STOML3: variants seen among roughly 807,000 people sequenced by gnomAD.
STOML3 encodes stomatin like 3.
In STOML3, 31 loss-of-function variants were observed where a neutral mutation model predicts 29.5. The ratio of observed to expected loss-of-function variants is 1.05; its 90% confidence interval spans 0.79 to 1.42. The LOEUF is 1.42. STOML3 is among the 40% of genes most tolerant of loss of function. The pLI is 0.00. For synonymous variants in STOML3, 122 were observed against 139.8 expected, an observed-to-expected ratio of 0.87 and a Z score of 0.90; for missense variants, 380 against 363.0, an observed-to-expected ratio of 1.05 and a Z score of -0.38.
intron 5 of STOML3, among the ~76,000 whole-genome samples, chr13:38,969,723 T>C (rs1257876543): frequency 1.3e-5 from 2 of 152,146 alleles, no homozygotes; most frequent in African/African-American, 4.8e-5. Context: ...ACTATTAATG[T>C]TATTAGTGAT....
chr13:38,972,015 T>G (rs1880887022), intron 4 of STOML3, among the ~76,000 whole-genome samples: 1 of 152,198 alleles, frequency 6.6e-6, no homozygotes, highest in Admixed American at 6.5e-5. Flanking sequence ...TCCTTATGCC[T>G]GCCCCCTCTA....
At position 38,976,423 on chromosome 13, in the gene STOML3, G is replaced by T. The variant is rs544224226; in HGVS notation, c.229+117C>A. 9.5e-6 allele frequency: 11 copies of T among 1,162,680 alleles called. No homozygotes were observed. In the South Asian group the frequency reaches 1.4e-4, roughly 15 times the overall value. 72.0% of individuals were successfully genotyped at this position (1,162,680 alleles called of 1,614,324 possible). On this transcript the variant is annotated intron_variant, in intron 3 of 6. Transcript: ENST00000379631. ...GTTGTACCAAAAGGCAAGAGCCCCAGCTTCTAGCAATTTTTCTTTGACTCT... is the reference window on the plus strand; with the variant it reads ...GTTGTACCAAAAGGCAAGAGCCCCATCTTCTAGCAATTTTTCTTTGACTCT...
intron 1 of STOML3, among the ~76,000 whole-genome samples, chr13:38,989,519 G>C (rs1267011758): frequency 1.4e-5 from 2 of 141,672 alleles, no homozygotes; most frequent in East Asian, 4.1e-4. Context: ...TTTTTTCTTT[G>C]TTAGGCAGGG....
chr13:38,984,775 T>C (rs75785052), intron 1 of STOML3, among the ~76,000 whole-genome samples: 3,214 of 152,302 alleles, frequency 0.021, 48 homozygotes, highest in South Asian at 0.055. Flanking sequence ...GTACACCCTC[T>C]ATCATAACTT....
chr13:38,967,681 G>A (rs959116701), intron 6 of STOML3, among the ~76,000 whole-genome samples: 12 of 152,250 alleles, frequency 7.9e-5, no homozygotes, highest in Middle Eastern at 6.8e-3. Flanking sequence ...TATCATTGCC[G>A]AGTCCCTTCC....
intron 1 of STOML3, among the ~76,000 whole-genome samples, chr13:38,983,422 G>C (rs568920687): frequency 1.3e-5 from 2 of 152,216 alleles, no homozygotes; most frequent in South Asian, 4.1e-4. Flanking sequence ...ACTTTATTTT[G>C]TTCCATTTTT....
chr13:38,988,908 A>G (rs1306565048), intron 1 of STOML3, among the ~76,000 whole-genome samples: 2 of 136,936 alleles, frequency 1.5e-5, no homozygotes, highest in African/African-American at 5.7e-5. Flanking sequence ...TATACTATAG[A>G]ATACATAATA....
In STOML3 at chr13:38,972,528, T is replaced by C. The variant is rs767812000; in HGVS notation, c.296A>G (p.Asn99Ser). The change falls in exon 4 of 7, where the codon AAC becomes AGC. Residue 99 changes from asparagine (N) to serine (S), a missense_variant. Physicochemically the swap from Asn to Ser is conservative, Grantham distance 46. Transcript: ENST00000379631. Reference protein sequence around the residue: ...VKVDLRTVTCNIPPQEILTRD... With the variant: ...VKVDLRTVTCSIPPQEILTRD... ...CAGTACTACCTCTTGTGGAGGAATG[T>C]TGCAAGTAACTGTTCGGAGGTCAAC... The C allele has an allele frequency of 6.2e-7, 1 of 1,614,030 alleles. No homozygotes were observed. The highest frequency in any genetic ancestry group is 1.1e-5 in the South Asian group (1 of 91,076).
At position 38,990,790 on chromosome 13, in the gene STOML3, A is replaced by C; in HGVS notation, c.-69T>G. 2 of 1,459,538 alleles carry C rather than the reference A, an allele frequency of 1.4e-6. No homozygotes were observed. Among genetic ancestry groups the C allele is most frequent in the Non-Finnish European group, 1.9e-6 (2 of 1,042,822 alleles). 90.4% of individuals were successfully genotyped at this position (1,459,538 alleles called of 1,614,324 possible). On this transcript the variant is annotated 5_prime_UTR_variant, in exon 1 of 7. Coordinates refer to ENST00000379631, the MANE Select transcript of STOML3 (RefSeq NM_145286.3). ...TTGGAGCTAAGTGTGAAGAACAGGCAGCAACTCAGATGTGCTTGGGAGAGG... is the reference window on the plus strand; with the variant it reads ...TTGGAGCTAAGTGTGAAGAACAGGCCGCAACTCAGATGTGCTTGGGAGAGG...
intron 1 of STOML3, among the ~76,000 whole-genome samples, chr13:38,985,194 C>T (rs796921904): frequency 2.1e-4 from 32 of 152,208 alleles, no homozygotes; most frequent in African/African-American, 7.7e-4. Context: ...GAGGCCAAGG[C>T]AGGTGGATTA....
At chr13:38,976,410 G>A in intron 3 of STOML3, 130 bp downstream of exon 3, 2 of 967,290 alleles carry the variant, frequency 2.1e-6, no homozygotes, top group East Asian at 2.6e-5. Context: ...TGTACCAAAA[G>A]GCAAGAGCCC....
chr13:38,972,020 C>T (rs1206603869), intron 4 of STOML3, among the ~76,000 whole-genome samples: 1 of 152,178 alleles, frequency 6.6e-6, no homozygotes, highest in Non-Finnish European at 1.5e-5. Context: ...ATGCCTGCCC[C>T]CTCTATTGCA....
intron 3 of STOML3, among the ~76,000 whole-genome samples, chr13:38,973,284 A>AAG (rs1880957115): frequency 6.6e-6 from 1 of 152,070 alleles, no homozygotes; most frequent in South Asian, 2.1e-4. Flanking sequence ...CTCTGTCAAA[A>AAG]AAAAAAAATT....
chr13:38,968,670 C>T (rs763519563), intron 5 of STOML3, 136 bp from the exon 6 acceptor site: 1 of 1,017,348 alleles, frequency 9.8e-7, no homozygotes, highest in Non-Finnish European at 1.4e-6. Context: ...TGGAGTGAGA[C>T]AATTTAGGAA....
intron 1 of STOML3, among the ~76,000 whole-genome samples, chr13:38,986,641 C>T (rs918481142): frequency 4.6e-5 from 7 of 152,162 alleles, no homozygotes; most frequent in East Asian, 1.9e-4. Flanking sequence ...AAGGAAAACA[C>T]GAGGGGTAAA....
At position 38,966,997 on chromosome 13, in the gene STOML3, G is replaced by C. The variant is rs374600057; in HGVS notation, c.704C>G (p.Ser235Cys). ...MNASKSLKSA[S>C]MVLAESPIAL... The stretch of plus-strand genomic sequence containing the variant: ...TATGGGAGACTCAGCCAGCACCATG[G>C]AGGCTGACTTCAGGGATTTGGAAGC... Residue 235 changes from serine to cysteine, a missense_variant, in exon 7 of 7, where the codon TCC becomes TGC. Ser to Cys is a moderately radical substitution (Grantham distance 112, BLOSUM62 -1). Coordinates refer to ENST00000379631, the MANE Select transcript of STOML3 (RefSeq NM_145286.3). The C allele has an allele frequency of 6.2e-7, 1 of 1,614,074 alleles. No individual in the cohort carries two copies.
intron 1 of STOML3, among the ~76,000 whole-genome samples, chr13:38,977,711 C>T (rs1021001422): frequency 2.7e-5 from 4 of 146,852 alleles, no homozygotes; most frequent in Admixed American, 1.4e-4. Context: ...AACTCTGTAG[C>T]TTTACTTACA....
At chr13:38,989,927 TCA>T (rs148165094) in intron 1 of STOML3, among the ~76,000 whole-genome samples, 10 of 151,002 alleles carry the variant, frequency 6.6e-5, no homozygotes, top group South Asian at 6.3e-4. Context: ...CACACCATCA[TCA>T]CACACACACA....
intron 1 of STOML3, among the ~76,000 whole-genome samples, chr13:38,982,107 T>G (rs1468874278): frequency 6.6e-6 from 1 of 152,112 alleles, no homozygotes; most frequent in Admixed American, 6.6e-5. Flanking sequence ...TACGGCTGTA[T>G]GTAAAATATG....
Sources: allele counts gnomAD v4.1 joint callset (sites outside exome capture counted in the v4.1 genomes callset), GRCh38; gene constraint gnomAD v4.1.1; transcripts MANE v1.5; gene names NCBI Gene and HGNC (gene_info 2026-07-23, HGNC 2026-07-21).